Variants in RAD52 observed in about 807,000 individuals in gnomAD.
The protein encoded by RAD52 is DNA repair protein RAD52 homolog.
A neutral mutation model predicts 55.5 loss-of-function variants in RAD52; 47 were observed. That is an observed-to-expected ratio of 0.85 (90% CI 0.67 to 1.08). The LOEUF is 1.08. Among genes scored for constraint, RAD52 ranks in the 50% least tolerant of loss-of-function variants. RAD52 has a pLI of 0.00. For missense variants in RAD52, 468 were observed against 522.8 expected (o/e 0.90, Z 1.02); for synonymous variants, 184 against 198.9 (o/e 0.92, Z 0.63).
chr12:941,652 G>A (rs546892049), intron 1 of RAD52, among the ~76,000 whole-genome samples: 58 of 150,600 alleles, frequency 3.9e-4, no homozygotes, highest in Middle Eastern at 3.5e-3. Flanking sequence ...TATTTTTTGA[G>A]ACAGAGTTTT....
chr12:972,138 TAC>T (rs1958867973), intron 1 of RAD52, among the ~76,000 whole-genome samples: 1 of 152,154 alleles, frequency 6.6e-6, no homozygotes, highest in Admixed American at 6.5e-5. Flanking sequence ...TGTTTATGTA[TAC>T]ATTCAGGAAA....
intron 1 of RAD52, among the ~76,000 whole-genome samples, chr12:958,405 G>T (rs142322344): frequency 2.0e-5 from 3 of 151,958 alleles, no homozygotes; most frequent in Non-Finnish European, 4.4e-5. Flanking sequence ...TAGTAGAGAC[G>T]GGGTTTCACC....
At chr12:924,079 A>G (rs1291590234) in intron 7 of RAD52, among the ~76,000 whole-genome samples, 3 of 149,088 alleles carry the variant, frequency 2.0e-5, no homozygotes, top group South Asian at 2.1e-4. Context: ...AGAAAAAGAA[A>G]ACTTGACTAA....
Position 914,406 on chromosome 12 carries a change from C to T in RAD52, c.967+25G>A, listed in dbSNP as rs958707518. 5 of 1,613,044 alleles carry T rather than the reference C, an allele frequency of 3.1e-6. No homozygotes were observed. The African/African-American group carries it at 6.7e-5, about 22-fold the overall frequency. ...CTACTAGAAACATACAGCACAGTAG[C>T]TTACAAGCATTTCAAGGTATTTACT... On this transcript the variant is annotated intron_variant, in intron 10 of 11. Transcript: ENST00000358495.
At position 916,363 on chromosome 12, in the gene RAD52, C is replaced by T. The variant is rs765891551; in HGVS notation, c.846G>A (p.Pro282=). 16 of 1,607,122 alleles carry T rather than the reference C, an allele frequency of 1.0e-5. No individual in the cohort carries two copies. In the Admixed American group the frequency reaches 2.0e-4, roughly 20 times the overall value. ...GCTCACCCTCACTCTTCTCAGCTGA[C>T]GGCGTGGAGACTCGAACCTGCTGCT... ...MEKQQVRVST[P]SAEKSEAAPP... The change falls in exon 9 of 12, where the codon CCG becomes CCA. Residue 282 remains proline, a synonymous_variant. Coordinates refer to ENST00000358495, the MANE Select transcript of RAD52 (RefSeq NM_134424.4).
chr12:941,338 G>C (rs1169452574), intron 1 of RAD52, among the ~76,000 whole-genome samples: 2 of 151,308 alleles, frequency 1.3e-5, no homozygotes, highest in African/African-American at 4.9e-5. Context: ...TTTTTTTTGA[G>C]ACAGAGTTTC....
At chr12:967,282 G>A (rs1274046998) in intron 1 of RAD52, among the ~76,000 whole-genome samples, 1 of 151,778 alleles carries the variant, frequency 6.6e-6, no homozygotes, top group Non-Finnish European at 1.5e-5. Flanking sequence ...GGGAGGCTGA[G>A]GTGGGAGGAT....
At chr12:983,410 ATTTTTTTTTT>A (rs58498697) in intron 1 of RAD52, among the ~76,000 whole-genome samples, 33 of 121,516 alleles carry the variant, frequency 2.7e-4, no homozygotes, top group South Asian at 2.7e-4. Context: ...TTTCCTGAAG[ATTTTTTTTTT>A]TTTTTTTTTT....
upstream of RAD52, among the ~76,000 whole-genome samples, chr12:950,231 C>G (rs1384663197): frequency 6.6e-6 from 1 of 152,156 alleles, no homozygotes; most frequent in South Asian, 2.1e-4. Flanking sequence ...TAGCGACGAC[C>G]GCAGGGAAAT....
rs1956414667 is a variant in RAD52, at chr12:916,798, G to C, written c.566C>G (p.Thr189Ser). 2 of 1,608,622 alleles carry C rather than the reference G, an allele frequency of 1.2e-6. No homozygotes were observed. The highest frequency in any genetic ancestry group is 1.3e-5 in the African/African-American group (1 of 74,820). The change falls in exon 8 of 12, where the codon ACT becomes AGT. Residue 189 changes from threonine (T) to serine (S), a missense_variant. Coordinates refer to ENST00000358495, the MANE Select transcript of RAD52 (RefSeq NM_134424.4). ...TTCAAGATCTTGTCTCTTCGCTTTAGTTAAATCCACTTCAAGAGGCAACTA... is the reference window on the plus strand; with the variant it reads ...TTCAAGATCTTGTCTCTTCGCTTTACTTAAATCCACTTCAAGAGGCAACTA... ...PRQLPLEVDL[T>S]KAKRQDLEPS...
chr12:987,022 G>T (rs905857714), intron 1 of RAD52, among the ~76,000 whole-genome samples: 4 of 152,046 alleles, frequency 2.6e-5, no homozygotes, highest in Non-Finnish European at 4.4e-5. Flanking sequence ...CCAGGCTGGA[G>T]CGCAATGGCA....
intron 7 of RAD52, among the ~76,000 whole-genome samples, chr12:920,295 A>G (rs1956647894): frequency 8.5e-6 from 1 of 117,158 alleles, no homozygotes; most frequent in Non-Finnish European, 1.8e-5. Context: ...AGTGGCTCAC[A>G]CCTATAATCC....
chr12:969,286 CCAGT>C (rs1370217873), intron 1 of RAD52, among the ~76,000 whole-genome samples: 5 of 151,890 alleles, frequency 3.3e-5, no homozygotes, highest in East Asian at 3.8e-4. Context: ...CCCAGGAACA[CCAGT>C]CAAAGAATTA....
At chr12:926,916 G>A in intron 6 of RAD52, 1 of 1,537,312 alleles carries the variant, frequency 6.5e-7, no homozygotes, top group Non-Finnish European at 8.7e-7. Context: ...GAGAGTACAG[G>A]ATTCTACCAC....
At chr12:952,274 A>T (rs1012750325), upstream of RAD52, among the ~76,000 whole-genome samples, 7 of 151,966 alleles carry the variant, frequency 4.6e-5, no homozygotes, top group African/African-American at 9.7e-5. Flanking sequence ...AATTAAAAAA[A>T]TTTTTTTTAG....
At chr12:946,733 G>A (rs924525507) in intron 1 of RAD52, among the ~76,000 whole-genome samples, 5 of 152,294 alleles carry the variant, frequency 3.3e-5, no homozygotes, top group Admixed American at 6.5e-5. Context: ...AACAGTTTTA[G>A]AGCTGAAACA....
rs1255145488 is a variant in RAD52 at position 916,765 on chromosome 12, A to C, written c.599T>G (p.Val200Gly). Reference sequence around the variant, plus strand: ...GCAGCTGTTGTATCTTGCCTCCTCCACAGACGGTTCAAGATCTTGTCTCTT... The same window carrying C: ...GCAGCTGTTGTATCTTGCCTCCTCCCCAGACGGTTCAAGATCTTGTCTCTT... The part of the protein sequence containing the change: ...KAKRQDLEPS[V>G]EEARYNSCRP... The change falls in exon 8 of 12, where the codon GTG becomes GGG. Residue 200 changes from valine to glycine, a missense_variant. Physicochemically the swap from Val to Gly is moderately radical, Grantham distance 109 (BLOSUM62 -3). Transcript: ENST00000358495. The C allele has an allele frequency of 1.2e-6, 2 of 1,614,170 alleles. No individual in the cohort carries two copies. The highest frequency in any genetic ancestry group is 2.2e-5 in the South Asian group (2 of 91,082).
intron 1 of RAD52, among the ~76,000 whole-genome samples, chr12:935,904 A>G (rs1293137690): frequency 6.6e-6 from 1 of 150,546 alleles, no homozygotes; most frequent in Admixed American, 6.6e-5. Context: ...AAATAACTAG[A>G]GACGGGGTTT....
At chr12:925,051 C>T (rs1245392983) in intron 7 of RAD52, among the ~76,000 whole-genome samples, 2 of 151,054 alleles carry the variant, frequency 1.3e-5, no homozygotes, top group African/African-American at 2.4e-5. Context: ...CCCGGGTTCA[C>T]GCCATTCTCC....
Sources: gnomAD v4.1 joint callset for allele counts (sites outside exome capture counted in the v4.1 genomes callset) on GRCh38, gnomAD v4.1.1 for gene constraint, MANE v1.5 for transcripts, NCBI Gene and HGNC (gene_info 2026-07-23, HGNC 2026-07-21) for gene names.